The following AUTS2 variants were observed in gnomAD, a reference collection of about 807,000 sequenced individuals.
The protein encoded by AUTS2 is activator of transcription and developmental regulator AUTS2, also known as autism susceptibility gene 2 protein.
AUTS2 carries 17 observed loss-of-function variants against 112.4 expected under a neutral mutation model. That is an observed-to-expected ratio of 0.15 (90% CI 0.10 to 0.23). AUTS2 has a LOEUF of 0.23. Ranked by LOEUF, AUTS2 falls within the 10% of genes least tolerant of loss-of-function variation. The pLI, the probability that AUTS2 is intolerant of heterozygous loss-of-function variation, is 1.00. For synonymous variants in AUTS2, 751 were observed against 702.7 expected, an observed-to-expected ratio of 1.07 and a Z score of -1.09; for missense variants, 1,510 against 1,701.6, an observed-to-expected ratio of 0.89 and a Z score of 1.98.
chr7:69,873,186 G>A (rs949931294), intron 1 of AUTS2, among the ~76,000 whole-genome samples: 1 of 152,058 alleles, frequency 6.6e-6, no homozygotes, highest in Non-Finnish European at 1.5e-5. Flanking sequence ...AAAGATTAAT[G>A]TTCCAGGATT....
chr7:70,412,896 C>G (rs1356302418), intron 4 of AUTS2, among the ~76,000 whole-genome samples: 3 of 152,132 alleles, frequency 2.0e-5, no homozygotes, highest in Non-Finnish European at 4.4e-5. Flanking sequence ...GAGGCTGAGG[C>G]GGGAGAATCG....
chr7:70,049,180 G>T (rs941279373), intron 2 of AUTS2, among the ~76,000 whole-genome samples: 2 of 152,038 alleles, frequency 1.3e-5, no homozygotes, highest in African/African-American at 4.8e-5. Context: ...GGACTTATAG[G>T]CTGACTTATA....
chr7:69,668,768 T>C lies in AUTS2; in HGVS notation c.309+68806T>C, dbSNP rs1053683411. Among the ~76,000 whole-genome samples the C allele has an allele frequency of 5.9e-5, 9 of 152,332 alleles. 1 individual carries two copies. The South Asian group carries it at 1.9e-3, about 32-fold the overall frequency. ...AGACCAGATGAGGTAGGAGGTATGA[T>C]TGGATACAAGTACATTCCTGGAAAA... On this transcript the variant is annotated intron_variant, in intron 1 of 18. Coordinates refer to ENST00000342771, the MANE Select transcript of AUTS2 (RefSeq NM_015570.4).
chr7:69,975,072 G>A (rs893032649), intron 2 of AUTS2, among the ~76,000 whole-genome samples: 1 of 151,870 alleles, frequency 6.6e-6, no homozygotes, highest in Non-Finnish European at 1.5e-5. Context: ...AGGTTGTCTT[G>A]ATTACCTGTT....
At chr7:70,617,699 G>T (rs765903245) in intron 5 of AUTS2, among the ~76,000 whole-genome samples, 28 of 151,768 alleles carry the variant, frequency 1.8e-4, no homozygotes, top group Admixed American at 9.2e-4. Context: ...GGATTCCTAA[G>T]AAAGTGACCG....
intron 5 of AUTS2, among the ~76,000 whole-genome samples, chr7:70,687,347 T>C (rs1156430072): frequency 6.6e-6 from 1 of 152,208 alleles, no homozygotes; most frequent in Non-Finnish European, 1.5e-5. Flanking sequence ...CTACAGCCAA[T>C]TGGGTGACAC....
intron 5 of AUTS2, among the ~76,000 whole-genome samples, chr7:70,630,134 G>A (rs775616202): frequency 4.6e-5 from 7 of 152,140 alleles, no homozygotes; most frequent in Admixed American, 6.5e-5. Context: ...TCGGAAAGGC[G>A]GCCTCCTCTG....
intron 6 of AUTS2, among the ~76,000 whole-genome samples, chr7:70,747,992 T>TG (rs1192361789): frequency 1.4e-5 from 2 of 146,638 alleles, no homozygotes; most frequent in Non-Finnish European, 3.0e-5. Context: ...CAGCCAATTT[T>TG]TTTTTTTTTT....
chr7:70,729,129 C>G, intron 6 of AUTS2: 1 of 456,318 alleles, frequency 2.2e-6, no homozygotes, highest in South Asian at 1.6e-5. Flanking sequence ...GACGGCCACA[C>G]CCTCCATCAC....
intron 4 of AUTS2, among the ~76,000 whole-genome samples, chr7:70,144,334 A>T (rs529091058): frequency 6.6e-6 from 1 of 152,274 alleles, no homozygotes; most frequent in South Asian, 2.1e-4. Flanking sequence ...TTTTAAAATT[A>T]ATTTTTAAAA....
intron 4 of AUTS2, among the ~76,000 whole-genome samples, chr7:70,330,144 T>A (rs1488559175): frequency 6.6e-6 from 1 of 152,210 alleles, no homozygotes; most frequent in Non-Finnish European, 1.5e-5. Flanking sequence ...GTCCAGTTTA[T>A]CTGTTTTTTC....
At chr7:69,749,594 G>A (rs1787651344) in intron 1 of AUTS2, among the ~76,000 whole-genome samples, 1 of 152,114 alleles carries the variant, frequency 6.6e-6, no homozygotes, top group Non-Finnish European at 1.5e-5. Flanking sequence ...TGTTTCTTTG[G>A]GTGTGGAAGC....
intron 4 of AUTS2, among the ~76,000 whole-genome samples, chr7:70,169,611 G>T (rs138545453): frequency 1.2e-3 from 182 of 152,136 alleles, no homozygotes; most frequent in African/African-American, 4.1e-3. Flanking sequence ...TTAGCCTTGG[G>T]AAGACTTCAT....
intron 1 of AUTS2, among the ~76,000 whole-genome samples, chr7:69,617,451 G>T (rs1793441679): frequency 6.6e-6 from 1 of 152,162 alleles, no homozygotes; most frequent in African/African-American, 2.4e-5. Context: ...GAGAACAAGT[G>T]TAAAGGCTTT....
intron 5 of AUTS2, among the ~76,000 whole-genome samples, chr7:70,686,785 G>A (rs897530054): frequency 2.0e-5 from 3 of 152,094 alleles, no homozygotes; most frequent in Non-Finnish European, 4.4e-5. Flanking sequence ...TGCCCACCTC[G>A]GTCTCCCAAA....
At chr7:70,630,637 A>G (rs1805208718) in intron 5 of AUTS2, among the ~76,000 whole-genome samples, 2 of 152,344 alleles carry the variant, frequency 1.3e-5, no homozygotes, top group Middle Eastern at 3.4e-3. Context: ...TGAACATCAC[A>G]TACATAATTC....
chr7:70,215,374 T>C (rs1811117047), intron 4 of AUTS2, among the ~76,000 whole-genome samples: 1 of 152,228 alleles, frequency 6.6e-6, no homozygotes, highest in African/African-American at 2.4e-5. Context: ...CTGCATATTA[T>C]TTGTCTCCTC....
intron 4 of AUTS2, among the ~76,000 whole-genome samples, chr7:70,419,168 G>C (rs879670049): frequency 4.6e-5 from 7 of 152,010 alleles, no homozygotes; most frequent in Non-Finnish European, 1.0e-4. Flanking sequence ...CCCTATGACT[G>C]TGATCACTTT....
intron 4 of AUTS2, among the ~76,000 whole-genome samples, chr7:70,324,045 T>C (rs1482495593): frequency 1.3e-5 from 2 of 152,176 alleles, no homozygotes; most frequent in Middle Eastern, 3.2e-3. Context: ...CCTCCCGCCT[T>C]GGACAAAAGA....
Sources: allele counts gnomAD v4.1 joint callset (sites outside exome capture counted in the v4.1 genomes callset), GRCh38; gene constraint gnomAD v4.1.1; transcripts MANE v1.5; gene names NCBI Gene and HGNC (gene_info 2026-07-23, HGNC 2026-07-21).